The following LRRC69 variants were observed in gnomAD, a reference collection of about 807,000 sequenced individuals.
LRRC69 encodes leucine rich repeat containing 69.
LRRC69 carries 42 observed loss-of-function variants against 37.8 expected under a neutral mutation model. The ratio of observed to expected loss-of-function variants is 1.11; its 90% CI spans 0.87 to 1.44. The LOEUF (loss-of-function observed/expected upper bound fraction) is 1.44, where lower values mean the gene tolerates loss of function less well. Among genes scored for constraint, LRRC69 ranks in the 40% most tolerant of loss-of-function variants. The pLI is 0.00. For missense variants in LRRC69, 357 were observed against 401.9 expected (o/e 0.89, Z 0.96); for synonymous variants, 141 against 143.1 (o/e 0.99, Z 0.11).
chr8:91,142,725 G>C (rs1006226737), intron 5 of LRRC69, among the ~76,000 whole-genome samples: 14 of 152,034 alleles, frequency 9.2e-5, no homozygotes, highest in African/African-American at 3.1e-4. Context: ...TGGCCTAAAT[G>C]ATGGAACAGT....
chr8:91,180,145 T>C (rs1809299667), intron 5 of LRRC69, among the ~76,000 whole-genome samples: 2 of 152,330 alleles, frequency 1.3e-5, no homozygotes, highest in Non-Finnish European at 2.9e-5. Context: ...CATCAGAGAT[T>C]TGTTATTTCA....
chr8:91,211,864 C>G (rs1809933124), intron 7 of LRRC69, among the ~76,000 whole-genome samples: 1 of 151,834 alleles, frequency 6.6e-6, no homozygotes, highest in Admixed American at 6.6e-5. Flanking sequence ...GGTCTTTATT[C>G]TCAACATAAA....
chr8:91,118,792 A>G (rs1813564513), intron 1 of LRRC69, among the ~76,000 whole-genome samples: 1 of 152,110 alleles, frequency 6.6e-6, no homozygotes. Flanking sequence ...ACATAACCGT[A>G]GAGAATGTTA....
At chr8:91,114,869 T>C (rs1202337652) in intron 1 of LRRC69, among the ~76,000 whole-genome samples, 1 of 152,044 alleles carries the variant, frequency 6.6e-6, no homozygotes, top group African/African-American at 2.4e-5. Context: ...TACTTAGATT[T>C]AGAAAAGAAA....
At chr8:91,175,397 C>T (rs575909124) in intron 5 of LRRC69, among the ~76,000 whole-genome samples, 88 of 152,274 alleles carry the variant, frequency 5.8e-4, no homozygotes, top group Non-Finnish European at 1.1e-3. Context: ...CTTCAACGTG[C>T]ACATAGCCCA....
chr8:91,122,853 A>G (rs1020276993), intron 1 of LRRC69, among the ~76,000 whole-genome samples: 2 of 151,984 alleles, frequency 1.3e-5, no homozygotes, highest in Non-Finnish European at 2.9e-5. Flanking sequence ...TAATCCCCCA[A>G]TCCTCTGAAT....
chr8:91,197,021 G>C (rs1009450181), intron 6 of LRRC69, among the ~76,000 whole-genome samples: 23 of 151,072 alleles, frequency 1.5e-4, no homozygotes, highest in Non-Finnish European at 2.5e-4. Flanking sequence ...TGGGTTTTTG[G>C]TGTGGATGTC....
At chr8:91,158,400 A>G (rs1808875601) in intron 5 of LRRC69, 12 of 1,396,178 alleles carry the variant, frequency 8.6e-6, no homozygotes, top group Non-Finnish European at 1.1e-5. Flanking sequence ...GATCACCCCA[A>G]GAAAGTAAAC....
chr8:91,205,584 G>A (rs919469815), intron 7 of LRRC69: 1 of 152,028 alleles, frequency 6.6e-6, no homozygotes, highest in African/African-American at 2.4e-5. Flanking sequence ...TGTGGTTGTG[G>A]TGTAGAGCTA....
chr8:91,107,613 T>G (rs1487050168), intron 1 of LRRC69, among the ~76,000 whole-genome samples: 1 of 152,012 alleles, frequency 6.6e-6, no homozygotes, highest in African/African-American at 2.4e-5. Flanking sequence ...AGTTTAGCTA[T>G]TATGATTAGT....
intron 5 of LRRC69, among the ~76,000 whole-genome samples, chr8:91,162,306 A>C (rs1248697375): frequency 6.6e-6 from 1 of 151,252 alleles, no homozygotes; most frequent in East Asian, 1.9e-4. Context: ...ATGTTTCTTC[A>C]TTGATTTTCT....
chr8:91,136,929 T>C (rs1808434180), intron 5 of LRRC69, among the ~76,000 whole-genome samples: 1 of 152,064 alleles, frequency 6.6e-6, no homozygotes, highest in African/African-American at 2.4e-5. Context: ...GTTGTATGTA[T>C]ATACCACATT....
In LRRC69 at chr8:91,161,468, C is replaced by T. The variant is rs141132854; in HGVS notation, c.651+25729C>T. Among the ~76,000 whole-genome samples, 384 of 151,318 alleles carry T rather than the reference C, an allele frequency of 2.5e-3. 9 individuals are homozygous for T. Among genetic ancestry groups the T allele is most frequent in the Non-Finnish European group, 3.5e-3 (238 of 67,638 alleles). On this transcript the variant is annotated intron_variant, in intron 5 of 7. Coordinates refer to ENST00000448384, the Ensembl canonical transcript of LRRC69. ...GGGAGACTTATTACTGTTTCAATCT[C>T]ATTACTCATTACTGATCTGTTTAGG...
chr8:91,160,511 A>G (rs1244883328), intron 5 of LRRC69, among the ~76,000 whole-genome samples: 2 of 150,944 alleles, frequency 1.3e-5, no homozygotes, highest in Admixed American at 6.6e-5. Context: ...GTGGGAGGTG[A>G]TTGGATTATG....
intron 5 of LRRC69, 96 bp downstream of exon 5, chr8:91,135,835 T>C: frequency 3.5e-6 from 2 of 569,288 alleles, no homozygotes; most frequent in South Asian, 3.7e-5. Flanking sequence ...CCTGTAGTAA[T>C]TGAAACCTTA....
intron 5 of LRRC69, among the ~76,000 whole-genome samples, chr8:91,186,990 T>C (rs1186166033): frequency 6.6e-6 from 1 of 152,212 alleles, no homozygotes; most frequent in Non-Finnish European, 1.5e-5. Context: ...GAACTTCCAG[T>C]TGGAGTGGTT....
At chr8:91,145,042 A>T (rs1216031810) in intron 5 of LRRC69, among the ~76,000 whole-genome samples, 2 of 151,960 alleles carry the variant, frequency 1.3e-5, no homozygotes, top group Non-Finnish European at 2.9e-5. Flanking sequence ...TGTGAAATTG[A>T]TTGAACACTT....
intron 1 of LRRC69, among the ~76,000 whole-genome samples, chr8:91,120,256 G>GC (rs1813595971): frequency 6.6e-6 from 1 of 151,924 alleles, no homozygotes; most frequent in African/African-American, 2.4e-5. Context: ...ATTTTGTTTA[G>GC]CCTTCCCCTG....
At chr8:91,217,175 G>A (rs145591297) in intron 7 of LRRC69, among the ~76,000 whole-genome samples, 1 of 152,198 alleles carries the variant, frequency 6.6e-6, no homozygotes, top group East Asian at 1.9e-4. Context: ...ATTGTTTGCT[G>A]TATATCTTTG....
Sources: gnomAD v4.1 joint callset for allele counts (sites outside exome capture counted in the v4.1 genomes callset) on GRCh38, gnomAD v4.1.1 for gene constraint, MANE v1.5 for transcripts, NCBI Gene and HGNC (gene_info 2026-07-23, HGNC 2026-07-21) for gene names.